The following AMPD3 variants were observed in gnomAD, a reference collection of about 807,000 sequenced individuals.
AMPD3 encodes the protein AMP deaminase 3.
In AMPD3, 57 loss-of-function variants were observed where a neutral mutation model predicts 82.3. The observed-to-expected ratio is 0.69, with a 90% CI of 0.56 to 0.86. The LOEUF (loss-of-function observed/expected upper bound fraction) is 0.86, where lower values mean the gene tolerates loss of function less well. AMPD3 is among the 40% of genes least tolerant of loss of function. The pLI, the probability that AMPD3 is intolerant of heterozygous loss-of-function variation, is 0.00. For synonymous variants in AMPD3, 381 were observed against 394.7 expected (o/e 0.97, Z 0.41); for missense variants, 870 against 1,003.8 (o/e 0.87, Z 1.80).
At chr11:10,462,800 T>G (rs1474317231) in intron 2 of AMPD3, among the ~76,000 whole-genome samples, 1 of 152,206 alleles carries the variant, frequency 6.6e-6, no homozygotes, top group Non-Finnish European at 1.5e-5. Context: ...TCCAAGGAGA[T>G]GACATCTTAG....
chr11:10,473,719 G>C (rs1446850108), intron 2 of AMPD3: 3 of 572,828 alleles, frequency 5.2e-6, no homozygotes, highest in Non-Finnish European at 2.2e-6. Context: ...TGGGACCTCT[G>C]GTCTCAAGTA....
chr11:10,454,042 C>T (rs993918192), upstream of AMPD3, among the ~76,000 whole-genome samples: 2 of 152,068 alleles, frequency 1.3e-5, no homozygotes, highest in African/African-American at 2.4e-5. Flanking sequence ...GATGTTTGTT[C>T]GAAAGGGAAA....
chr11:10,457,549 T>C (rs1235380869), intron 1 of AMPD3, among the ~76,000 whole-genome samples: 1 of 152,070 alleles, frequency 6.6e-6, no homozygotes, highest in Non-Finnish European at 1.5e-5. Flanking sequence ...AAGGAAGATA[T>C]GTTATAGAAA....
chr11:10,504,880 G>T (rs1591490169), intron 14 of AMPD3, among the ~76,000 whole-genome samples: 1 of 152,190 alleles, frequency 6.6e-6, no homozygotes, highest in Non-Finnish European at 1.5e-5. Context: ...TTCCCTGATC[G>T]CCCATTCTAA....
At position 10,460,805 on chromosome 11, in the gene AMPD3, C is replaced by A. The variant is rs180958963; in HGVS notation, c.-5-710C>A. 1.1e-3 allele frequency: 904 copies of A among 797,184 alleles called. 1 individual carries two copies. The highest frequency in any genetic ancestry group is 2.1e-3 in the Admixed American group (33 of 16,050). 49.4% of individuals were successfully genotyped at this position (797,184 alleles called of 1,614,324 possible). On this transcript the variant is annotated intron_variant, in intron 1 of 14. Transcript: ENST00000396553. Reference sequence around the variant, plus strand: ...CAAGCAAGAATGAAACCCAACCAACCAAGCAGGTGGTTGAGGCCAGTGACT... The same window carrying A: ...CAAGCAAGAATGAAACCCAACCAACAAAGCAGGTGGTTGAGGCCAGTGACT...
chr11:10,473,378 G>C (rs949216619), intron 2 of AMPD3: 1 of 985,156 alleles, frequency 1.0e-6, no homozygotes, highest in African/African-American at 1.7e-5. Flanking sequence ...TAGGGAGGAA[G>C]GGCAGCTGGG....
At chr11:10,493,804 A>T (rs1849312291) in intron 7 of AMPD3, 2 of 559,628 alleles carry the variant, frequency 3.6e-6, no homozygotes, top group Non-Finnish European at 6.4e-6. Flanking sequence ...TTGTGCCCTT[A>T]GGCAACTCAC....
upstream of AMPD3, chr11:10,451,139 G>A (rs1483213140): frequency 6.0e-6 from 9 of 1,511,646 alleles, no homozygotes; most frequent in East Asian, 2.6e-5. Flanking sequence ...TCTGAACCGC[G>A]GCTTCCGCCT....
chr11:10,454,890 G>T (rs2133805546), upstream of AMPD3, among the ~76,000 whole-genome samples: 1 of 152,138 alleles, frequency 6.6e-6, no homozygotes, highest in East Asian at 1.9e-4. Flanking sequence ...CTCCCTCTAG[G>T]TTGCTTGTAG....
chr11:10,501,983 GCTC>G (rs1478370186), intron 12 of AMPD3: 1 of 985,238 alleles, frequency 1.0e-6, no homozygotes, highest in Non-Finnish European at 1.2e-6. Flanking sequence ...TAATATCTAT[GCTC>G]CTTTTTCCAA....
chr11:10,482,530 T>C (rs1242274578), intron 4 of AMPD3, among the ~76,000 whole-genome samples: 1 of 152,096 alleles, frequency 6.6e-6, no homozygotes, highest in Non-Finnish European at 1.5e-5. Flanking sequence ...TCTTTTTTTT[T>C]GAGATGGGTC....
intron 11 of AMPD3, 118 bp downstream of exon 11, chr11:10,500,367 T>C (rs959343771): frequency 1.5e-6 from 2 of 1,350,040 alleles, no homozygotes; most frequent in African/African-American, 2.9e-5. Flanking sequence ...TGAACCAACA[T>C]GCATGTCCAT....
chr11:10,484,788 G>A lies in AMPD3; in HGVS notation c.590-32G>A, dbSNP rs201491748. On this transcript the variant is annotated intron_variant, in intron 4 of 14. Transcript: ENST00000396553. ...CCCATGTGTGCTCACAAGGTCAGGG[G>A]CACTTTGCCATCCCTCAATCCTGTT... 24 of 1,609,556 alleles carry A rather than the reference G, an allele frequency of 1.5e-5. No homozygotes were observed. In the Admixed American group the frequency reaches 3.5e-4, roughly 23 times the overall value.
intron 2 of AMPD3, among the ~76,000 whole-genome samples, chr11:10,470,414 A>G (rs1232886759): frequency 2.0e-5 from 3 of 152,246 alleles, no homozygotes; most frequent in Non-Finnish European, 4.4e-5. Flanking sequence ...CAAGACAAGT[A>G]TGCCCTCTCT....
intron 6 of AMPD3, among the ~76,000 whole-genome samples, chr11:10,489,621 G>A (rs1849182258): frequency 6.6e-6 from 1 of 152,012 alleles, no homozygotes; most frequent in Non-Finnish European, 1.5e-5. Flanking sequence ...ATGGGCGCAG[G>A]TCTGCTATGA....
chr11:10,479,637 T>C (rs1437324150), intron 3 of AMPD3, among the ~76,000 whole-genome samples: 2 of 152,272 alleles, frequency 1.3e-5, no homozygotes, highest in Non-Finnish European at 2.9e-5. Flanking sequence ...TTCTTATGTA[T>C]TCTCACATAT....
At position 10,482,208 on chromosome 11, in the gene AMPD3, C is replaced by T. The variant is rs752415155; in HGVS notation, c.572C>T (p.Pro191Leu). ...LGHPRADTAPPEEGLPDFHPP... is the reference protein window; with the variant it reads ...LGHPRADTAPLEEGLPDFHPP... Reference sequence around the variant, plus strand: ...CATCCGCGGGCGGATACTGCACCTCCGGAAGAGGGCCTTCCAGGTATGGAG... The same window carrying T: ...CATCCGCGGGCGGATACTGCACCTCTGGAAGAGGGCCTTCCAGGTATGGAG... Residue 191 changes from proline (P) to leucine (L), a missense_variant, in exon 4 of 15, where the codon CCG becomes CTG. Physicochemically the swap from Pro to Leu is moderately conservative, Grantham distance 98 (BLOSUM62 -3). Coordinates refer to ENST00000396553, the MANE Select transcript of AMPD3 (RefSeq NM_001025389.2). 8.1e-6 allele frequency: 13 copies of T among 1,612,192 alleles called. No individual in the cohort carries two copies. The highest frequency in any genetic ancestry group is 1.9e-4 in the Middle Eastern group (1 of 5,228).
intron 2 of AMPD3, among the ~76,000 whole-genome samples, chr11:10,475,011 T>C (rs1848698301): frequency 6.6e-6 from 1 of 152,202 alleles, no homozygotes; most frequent in South Asian, 2.1e-4. Flanking sequence ...ACTGTATTAG[T>C]TTGCACTGCT....
chr11:10,504,458 G>A (rs996398551), intron 13 of AMPD3, 91 bp from the exon 14 acceptor site: 27 of 1,297,626 alleles, frequency 2.1e-5, no homozygotes, highest in South Asian at 4.7e-5. Context: ...AGTTAAACCC[G>A]CAGTGTCTGA....
Sources: gnomAD v4.1 joint callset for allele counts (sites outside exome capture counted in the v4.1 genomes callset) on GRCh38, gnomAD v4.1.1 for gene constraint, MANE v1.5 for transcripts, NCBI Gene and HGNC (gene_info 2026-07-23, HGNC 2026-07-21) for gene names.